The following NAV3 variants were observed in gnomAD, a reference collection of about 807,000 sequenced individuals.
The protein encoded by NAV3 is pore membrane and/or filament interacting like protein 1.
In NAV3, 87 loss-of-function variants were observed where a neutral mutation model predicts 244.7. That is an observed-to-expected ratio of 0.36 (90% CI 0.30 to 0.42). NAV3 has a LOEUF of 0.42. Ranked by LOEUF, NAV3 falls within the 20% of genes least tolerant of loss-of-function variation. The pLI is 1.00. For synonymous variants in NAV3, 1,126 were observed against 1,042.2 expected (o/e 1.08, Z -1.55); for missense variants, 2,663 against 2,893.3 (o/e 0.92, Z 1.83).
intron 31 of NAV3, among the ~76,000 whole-genome samples, chr12:78,185,986 G>T (rs1188454897): frequency 1.3e-5 from 2 of 151,828 alleles, no homozygotes; most frequent in Non-Finnish European, 2.9e-5. Flanking sequence ...CATCTTGTCT[G>T]ACATATTCTT....
chr12:78,087,127 G>T (rs1297169039), intron 12 of NAV3, among the ~76,000 whole-genome samples: 2 of 151,976 alleles, frequency 1.3e-5, no homozygotes, highest in African/African-American at 4.8e-5. Context: ...TTCCATATGA[G>T]ATTTACAGAT....
intron 2 of NAV3, among the ~76,000 whole-genome samples, chr12:77,767,262 AT>A (rs917092108): frequency 5.3e-5 from 8 of 152,216 alleles, no homozygotes; most frequent in African/African-American, 1.9e-4. Context: ...ATGAGATAAT[AT>A]TTGTAAAACA....
chr12:77,720,835 A>G (rs2137293404), intron 2 of NAV3, among the ~76,000 whole-genome samples: 1 of 152,126 alleles, frequency 6.6e-6, no homozygotes, highest in Non-Finnish European at 1.5e-5. Flanking sequence ...TCCATGTACT[A>G]TTGTCCATGG....
At position 77,944,672 on chromosome 12, in the gene NAV3, T is replaced by C. The variant is rs1209324738; in HGVS notation, c.414+3539T>C. On this transcript the variant is annotated intron_variant, in intron 3 of 39. Transcript: ENST00000397909. Reference sequence around the variant, plus strand: ...GAAACCATGGACAAGAATGGAATCTTACAGGAGGTCTGCATGAAGTCACAG... The same window carrying C: ...GAAACCATGGACAAGAATGGAATCTCACAGGAGGTCTGCATGAAGTCACAG... 2.0e-5 allele frequency among the ~76,000 whole-genome samples: 3 copies of C among 152,238 alleles called. No homozygotes were observed. In the East Asian group the frequency reaches 5.8e-4, roughly 29 times the overall value.
At chr12:77,664,083 T>A (rs1873603197) in intron 2 of NAV3, among the ~76,000 whole-genome samples, 2 of 152,234 alleles carry the variant, frequency 1.3e-5, no homozygotes, top group South Asian at 4.1e-4. Context: ...CATAACACGA[T>A]GGTAAACATG....
chr12:77,653,060 A>C (rs893078933), intron 2 of NAV3, among the ~76,000 whole-genome samples: 1 of 152,246 alleles, frequency 6.6e-6, no homozygotes, highest in African/African-American at 2.4e-5. Context: ...AAGATAAAAC[A>C]GATTTCTTTA....
chr12:78,150,176 G>C (rs556289818), intron 22 of NAV3, among the ~76,000 whole-genome samples: 2 of 152,158 alleles, frequency 1.3e-5, no homozygotes, highest in African/African-American at 4.8e-5. Flanking sequence ...TTGTTGTCTA[G>C]GTTCCTGAAT....
At chr12:77,865,798 C>CGT (rs35804861) in intron 1 of NAV3, among the ~76,000 whole-genome samples, 135,568 of 149,192 alleles carry the variant, frequency 0.91, 61,910 homozygotes, top group East Asian at 0.99. Context: ...CGTATATATG[C>CGT]GTGTGTGTGT....
chr12:77,746,408 G>A (rs575399992), intron 2 of NAV3, among the ~76,000 whole-genome samples: 1 of 152,150 alleles, frequency 6.6e-6, no homozygotes, highest in East Asian at 1.9e-4. Context: ...AGTGATGAGG[G>A]CATTGTAAAA....
chr12:78,154,060 A>G (rs980822152), intron 22 of NAV3, among the ~76,000 whole-genome samples: 10 of 147,082 alleles, frequency 6.8e-5, no homozygotes, highest in Non-Finnish European at 1.5e-4. Context: ...TATACATAAT[A>G]TACTATATAT....
At chr12:78,176,587 G>C (rs1406418998) in intron 26 of NAV3, 128 bp downstream of exon 26, 2 of 850,274 alleles carry the variant, frequency 2.4e-6, no homozygotes, top group Non-Finnish European at 3.6e-6. Context: ...TCTTTTCTTT[G>C]TGTCTTTTCA....
chr12:77,908,957 A>G (rs955265933), intron 1 of NAV3, among the ~76,000 whole-genome samples: 3 of 152,074 alleles, frequency 2.0e-5, no homozygotes, highest in African/African-American at 7.2e-5. Flanking sequence ...GGCTGACTGG[A>G]TCCAAATCAT....
intron 2 of NAV3, among the ~76,000 whole-genome samples, chr12:77,784,541 G>A (rs1254081929): frequency 1.3e-5 from 2 of 152,148 alleles, no homozygotes; most frequent in Non-Finnish European, 2.9e-5. Flanking sequence ...GCTTTGGGTA[G>A]GGCAGGGAAA....
intron 12 of NAV3, among the ~76,000 whole-genome samples, chr12:78,116,292 G>C (rs895860): frequency 0.74 from 112,532 of 152,078 alleles, 41,860 homozygotes; most frequent in Non-Finnish European, 0.78. Context: ...TGAGACTCAT[G>C]CAATAAGACT....
At chr12:77,933,283 T>C (rs1343763235) in intron 1 of NAV3, among the ~76,000 whole-genome samples, 1 of 152,070 alleles carries the variant, frequency 6.6e-6, no homozygotes, top group East Asian at 1.9e-4. Flanking sequence ...GTTAGAGTGA[T>C]TGGGTGAGAG....
At chr12:77,762,961 A>G (rs970736211) in intron 2 of NAV3, among the ~76,000 whole-genome samples, 8 of 152,356 alleles carry the variant, frequency 5.3e-5, no homozygotes, top group Middle Eastern at 3.4e-3. Context: ...TACACAGAGT[A>G]TGGAGGGAAA....
At chr12:77,738,158 A>C (rs1395376788) in intron 2 of NAV3, among the ~76,000 whole-genome samples, 3 of 152,188 alleles carry the variant, frequency 2.0e-5, no homozygotes, top group Non-Finnish European at 4.4e-5. Flanking sequence ...CTGGATGGCA[A>C]GTTAAATTTA....
intron 5 of NAV3, among the ~76,000 whole-genome samples, chr12:77,987,855 G>A (rs923713470): frequency 3.9e-5 from 6 of 152,238 alleles, no homozygotes; most frequent in South Asian, 2.1e-4. Context: ...GGAAGGAGTC[G>A]ATTATATCTG....
chr12:77,708,671 A>G (rs1316013877), intron 2 of NAV3, among the ~76,000 whole-genome samples: 1 of 152,066 alleles, frequency 6.6e-6, no homozygotes, highest in African/African-American at 2.4e-5. Context: ...TTTTCACGAT[A>G]CTGATTCTTC....
Sources: allele counts gnomAD v4.1 joint callset (sites outside exome capture counted in the v4.1 genomes callset), GRCh38; gene constraint gnomAD v4.1.1; transcripts MANE v1.5; gene names NCBI Gene and HGNC (gene_info 2026-07-23, HGNC 2026-07-21).